PRAG1: variants seen among roughly 807,000 people sequenced by gnomAD.
PRAG1 encodes the protein inactive tyrosine-protein kinase PRAG1.
PRAG1 carries 110 observed loss-of-function variants against 95.6 expected under a neutral mutation model. The ratio of observed to expected loss-of-function variants is 1.15; its 90% CI spans 0.99 to 1.35. The LOEUF (loss-of-function observed/expected upper bound fraction) is 1.35, where lower values mean the gene tolerates loss of function less well. PRAG1 is among the 40% of genes most tolerant of loss of function. The pLI, the probability that PRAG1 is intolerant of heterozygous loss-of-function variation, is 0.00. For missense variants in PRAG1, 2,554 were observed against 1,864.7 expected (o/e 1.37, Z -6.81); for synonymous variants, 1,052 against 819.4 (o/e 1.28, Z -4.85).
At chr8:8,369,719 A>G (rs1332473948) in intron 3 of PRAG1, among the ~76,000 whole-genome samples, 1 of 149,760 alleles carries the variant, frequency 6.7e-6, no homozygotes, top group Non-Finnish European at 1.5e-5. Flanking sequence ...TTTTTTTTAC[A>G]AGCTTGTACT....
chr8:8,319,018 C>T lies in PRAG1; in HGVS notation c.3357G>A (p.Glu1119=), dbSNP rs1039340310. Residue 1119 remains glutamate, a synonymous_variant, in exon 6 of 6, where the codon GAG becomes GAA. Coordinates refer to ENST00000615670, the MANE Select transcript of PRAG1 (RefSeq NM_001080826.3). The stretch of plus-strand genomic sequence containing the variant: ...GCAGAAGCAGGAAGCACACGCGCCG[C>T]TCGTACGCCTCGGGCTCCGCCTGGT... The part of the protein sequence containing the change: ...ASHQAEPEAY[E]RRVCFLLLQL... 2.5e-6 allele frequency: 4 copies of T among 1,613,296 alleles called. No individual in the cohort carries two copies. In the African/African-American group the frequency reaches 5.3e-5, roughly 22 times the overall value.
intron 5 of PRAG1, 99 bp from the exon 6 acceptor site, chr8:8,319,401 CCA>C (rs1798403440): frequency 1.0e-6 from 1 of 973,444 alleles, no homozygotes; most frequent in African/African-American, 1.6e-5. Context: ...ATAAGCCTAT[CCA>C]CATAGGCTTA....
At chr8:8,334,605 G>A (rs1798928287) in intron 4 of PRAG1, among the ~76,000 whole-genome samples, 1 of 150,912 alleles carries the variant, frequency 6.6e-6, no homozygotes, top group Non-Finnish European at 1.5e-5. Context: ...TAATCAAGAT[G>A]TGAATGTGAT....
At chr8:8,381,914 T>C in intron 1 of PRAG1, 80 bp from the exon 2 acceptor site, 2 of 572,010 alleles carry the variant, frequency 3.5e-6, no homozygotes, top group Non-Finnish European at 6.1e-6. Context: ...GTCTCACTAT[T>C]TGATCAGGGA....
chr8:8,318,774 G>T lies in PRAG1; in HGVS notation c.3601C>A (p.Pro1201Thr). The T allele has an allele frequency of 6.4e-7, 1 of 1,559,706 alleles. No homozygotes were observed. Among genetic ancestry groups the T allele is most frequent in the East Asian group, 2.3e-5 (1 of 42,698 alleles). Reference protein sequence around the residue: ...TLSPAAGPASPEGPREKQLPR... With the variant: ...TLSPAAGPASTEGPREKQLPR... Reference sequence around the variant, plus strand: ...AGCTGCTTCTCCCGGGGCCCTTCCGGGGAGGCGGGGCCGGCTGCGGGGCTG... The same window carrying T: ...AGCTGCTTCTCCCGGGGCCCTTCCGTGGAGGCGGGGCCGGCTGCGGGGCTG... Residue 1201 changes from proline to threonine, a missense_variant, in exon 6 of 6, where the codon CCG becomes ACG. Transcript: ENST00000615670. The surrounding 1 kb of genome is among the most constrained non-coding windows in gnomAD (Gnocchi z 4.2).
Position 8,377,592 on chromosome 8 carries a change from C to T in PRAG1, c.817G>A (p.Ala273Thr), listed in dbSNP as rs1316683835. 3.1e-6 allele frequency: 5 copies of T among 1,612,562 alleles called. No homozygotes were observed. The highest frequency in any genetic ancestry group is 3.3e-4 in the Middle Eastern group (2 of 6,060). The change falls in exon 3 of 6, where the codon GCA (alanine) becomes ACA (threonine). Residue 273 changes from alanine (A) to threonine (T), a missense_variant. Physicochemically the swap from Ala to Thr is moderately conservative, Grantham distance 58. Transcript: ENST00000615670. ...SPVAKAASQTAGSRGRHGGRD... is the reference protein window; with the variant it reads ...SPVAKAASQTTGSRGRHGGRD... ...CCACCATGCCTGCCCCGGGAACCTG[C>T]AGTCTGGGAGGCAGCCTTGGCAACA...
At chr8:8,356,925 A>T (rs1243989402) in intron 3 of PRAG1, among the ~76,000 whole-genome samples, 1 of 152,164 alleles carries the variant, frequency 6.6e-6, no homozygotes, top group Non-Finnish European at 1.5e-5. Flanking sequence ...AGACCATTCA[A>T]CGTGGAAATG....
chr8:8,372,006 A>G (rs1800224404), intron 3 of PRAG1, among the ~76,000 whole-genome samples: 2 of 152,140 alleles, frequency 1.3e-5, no homozygotes, highest in African/African-American at 2.4e-5. Context: ...GTCATCCTCA[A>G]TTCCACCTGG....
intron 3 of PRAG1, among the ~76,000 whole-genome samples, chr8:8,352,598 T>C (rs554362374): frequency 1.3e-5 from 2 of 152,358 alleles, no homozygotes; most frequent in South Asian, 2.1e-4. Flanking sequence ...TTCCTGTTAG[T>C]TCTTAAGTGC....
intron 2 of PRAG1, 73 bp from the exon 3 acceptor site, chr8:8,378,151 G>A: frequency 6.8e-7 from 1 of 1,481,054 alleles, no homozygotes; most frequent in Middle Eastern, 2.0e-4. Context: ...GGAAAAGTGA[G>A]AGGGAAGGGC....
chr8:8,323,843 C>T (rs139405561), intron 5 of PRAG1, among the ~76,000 whole-genome samples: 1 of 152,296 alleles, frequency 6.6e-6, no homozygotes, highest in Non-Finnish European at 1.5e-5. Flanking sequence ...TTTTCCTTCC[C>T]TTACACGTAT....
At chr8:8,321,645 C>T (rs1253422966) in intron 5 of PRAG1, among the ~76,000 whole-genome samples, 1 of 152,084 alleles carries the variant, frequency 6.6e-6, no homozygotes, top group East Asian at 1.9e-4. Context: ...GAGGAAGATG[C>T]TATTACAGAG....
intron 3 of PRAG1, among the ~76,000 whole-genome samples, chr8:8,369,327 T>C (rs2116913098): frequency 6.6e-6 from 1 of 152,268 alleles, no homozygotes; most frequent in Non-Finnish European, 1.5e-5. Flanking sequence ...GAGTTTATAA[T>C]TTCGGAGGAG....
chr8:8,361,902 G>A (rs933668349), intron 3 of PRAG1, among the ~76,000 whole-genome samples: 7 of 152,146 alleles, frequency 4.6e-5, no homozygotes, highest in Admixed American at 3.9e-4. Flanking sequence ...GATTATTAGG[G>A]GGAATCTGAT....
rs769767729 is a variant in PRAG1, at chr8:8,381,441, T to A, written c.307A>T (p.Asn103Tyr). Residue 103 changes from asparagine (N) to tyrosine (Y), a missense_variant, in exon 2 of 6, where the codon AAC becomes TAC. Coordinates refer to ENST00000615670, the MANE Select transcript of PRAG1 (RefSeq NM_001080826.3). Reference sequence around the variant, plus strand: ...ACCTGCGAGACTTCGGCACTCAGGTTGGCCTCTGTCCACACATCAGAGGCC... The same window carrying A: ...ACCTGCGAGACTTCGGCACTCAGGTAGGCCTCTGTCCACACATCAGAGGCC... ...SEASDVWTEA[N>Y]LSAEVSQVIW... 7.5e-6 allele frequency: 12 copies of A among 1,610,080 alleles called. 1 individual carries two copies. In the South Asian group the frequency reaches 1.3e-4, roughly 18 times the overall value.
intron 5 of PRAG1, 74 bp downstream of exon 5, chr8:8,327,636 G>T: frequency 6.7e-7 from 1 of 1,502,614 alleles, no homozygotes; most frequent in Non-Finnish European, 9.0e-7. Context: ...GAAATGACTT[G>T]CTCAGGCCAC....
chr8:8,381,954 T>A, intron 1 of PRAG1, 120 bp from the exon 2 acceptor site: 1 of 503,340 alleles, frequency 2.0e-6, no homozygotes, highest in East Asian at 3.2e-5. Flanking sequence ...AAGATTAGGA[T>A]CCCATTTATT....
chr8:8,363,740 ATGTC>A (rs1407144515), intron 3 of PRAG1, among the ~76,000 whole-genome samples: 4 of 152,224 alleles, frequency 2.6e-5, no homozygotes, highest in Non-Finnish European at 5.9e-5. Context: ...TTTTATGTGT[ATGTC>A]TATTTTTTAA....
Position 8,377,335 on chromosome 8 carries a change from G to A in PRAG1, c.1074C>T (p.Val358=). The change falls in exon 3 of 6, where the codon GTC becomes GTT. Residue 358 remains valine (V), a synonymous_variant. Transcript: ENST00000615670. ...AGCAGTAATCACTCTCGAGGTGGGGGACGAAGGGGCTACTGGCGCCGCTGC... is the reference window on the plus strand; with the variant it reads ...AGCAGTAATCACTCTCGAGGTGGGGAACGAAGGGGCTACTGGCGCCGCTGC... ...GSGSGASSPF[V]PHLESDYCSL... is the part of the protein sequence containing the mutation. 1 of 1,605,656 alleles carries A rather than the reference G, an allele frequency of 6.2e-7. No homozygotes were observed. The highest frequency in any genetic ancestry group is 8.5e-7 in the Non-Finnish European group (1 of 1,177,042).
Sources: allele counts gnomAD v4.1 joint callset (sites outside exome capture counted in the v4.1 genomes callset), GRCh38; gene constraint gnomAD v4.1.1; non-coding constraint Gnocchi (gnomAD v3.1); transcripts MANE v1.5; gene names NCBI Gene and HGNC (gene_info 2026-07-23, HGNC 2026-07-21).